The following TYW1 variants were observed in gnomAD, a reference collection of about 807,000 sequenced individuals.
The protein encoded by TYW1 is S-adenosyl-L-methionine-dependent tRNA 4-demethylwyosine synthase TYW1.
A neutral mutation model predicts 96.2 loss-of-function variants in TYW1; 46 were observed. The observed-to-expected ratio is 0.48, with a 90% CI of 0.38 to 0.61. TYW1 has a LOEUF of 0.61. TYW1 is among the 20% of genes least tolerant of loss of function. TYW1 has a pLI of 0.00. For missense variants in TYW1, 684 were observed against 909.6 expected (o/e 0.75, Z 3.19); for synonymous variants, 274 against 323.0 (o/e 0.85, Z 1.63).
chr7:67,132,659 T>C (rs554840115), intron 13 of TYW1, among the ~76,000 whole-genome samples: 1 of 138,414 alleles, frequency 7.2e-6, no homozygotes, highest in South Asian at 2.3e-4. Flanking sequence ...CAGAGCTGTT[T>C]AATCTCCCCA....
At chr7:67,131,599 T>G (rs1798076005) in intron 13 of TYW1, among the ~76,000 whole-genome samples, 1 of 152,176 alleles carries the variant, frequency 6.6e-6, no homozygotes, top group African/African-American at 2.4e-5. Flanking sequence ...ATGAGGGTTC[T>G]CTAGAGGGAC....
chr7:67,166,855 G>A (rs564923104), intron 13 of TYW1, among the ~76,000 whole-genome samples: 1 of 152,152 alleles, frequency 6.6e-6, no homozygotes, highest in South Asian at 2.1e-4. Context: ...TATACATGTG[G>A]GCTAACTGAT....
Position 67,000,182 on chromosome 7 carries a change from C to T in TYW1, c.273+1228C>T, listed in dbSNP as rs559618197. ...AACTCTTGGGCTCAAGCAATCTGCC[C>T]GCCTCGGCCTCCTAAAGTGTTGGGA... On this transcript the variant is annotated intron_variant, in intron 3 of 15. Coordinates refer to ENST00000359626, the MANE Select transcript of TYW1 (RefSeq NM_018264.4). Among the ~76,000 whole-genome samples the T allele has an allele frequency of 2.2e-4, 34 of 152,008 alleles. 1 individual carries two copies. Among genetic ancestry groups the T allele is most frequent in the African/African-American group, 7.7e-4 (32 of 41,442 alleles).
chr7:67,194,585 C>T (rs1454661671), intron 14 of TYW1, among the ~76,000 whole-genome samples: 1 of 152,054 alleles, frequency 6.6e-6, no homozygotes, highest in Admixed American at 6.5e-5. Flanking sequence ...GATTGCGCCA[C>T]TGCACTCCAG....
intron 11 of TYW1, among the ~76,000 whole-genome samples, chr7:67,085,701 C>T (rs1796528153): frequency 6.6e-6 from 1 of 152,086 alleles, no homozygotes; most frequent in African/African-American, 2.4e-5. Context: ...TAGCACGGTG[C>T]CTCACGCTTG....
chr7:67,081,805 TTTC>T (rs1447895645), intron 10 of TYW1, among the ~76,000 whole-genome samples: 3 of 150,006 alleles, frequency 2.0e-5, no homozygotes, highest in East Asian at 1.9e-4. Flanking sequence ...CCTTTTATTC[TTTC>T]TTCTTCTTCC....
At chr7:67,173,357 A>G (rs2690170) in intron 13 of TYW1, among the ~76,000 whole-genome samples, 42,265 of 151,698 alleles carry the variant, frequency 0.28, 6,370 homozygotes, top group African/African-American at 0.4. Flanking sequence ...GGCTGATTGA[A>G]TCCTTTTGGT....
At chr7:67,045,098 T>G (rs879690687) in intron 7 of TYW1, among the ~76,000 whole-genome samples, 4 of 152,216 alleles carry the variant, frequency 2.6e-5, no homozygotes, top group Non-Finnish European at 4.4e-5. Context: ...CTTAAAGTCT[T>G]CAGCAAATCA....
intron 13 of TYW1, among the ~76,000 whole-genome samples, chr7:67,148,333 CAG>C (rs907559080): frequency 6.7e-5 from 10 of 149,420 alleles, no homozygotes; most frequent in African/African-American, 1.7e-4. Flanking sequence ...ACTCGTTCAA[CAG>C]AGTGTCGTAA....
At chr7:67,110,822 T>C (rs554447597) in intron 12 of TYW1, among the ~76,000 whole-genome samples, 45 of 152,106 alleles carry the variant, frequency 3.0e-4, no homozygotes, top group Non-Finnish European at 5.3e-4. Flanking sequence ...CTGGGCAACA[T>C]AGTGAGACCC....
At chr7:67,036,410 G>C (rs1237303272) in intron 7 of TYW1, among the ~76,000 whole-genome samples, 2 of 152,146 alleles carry the variant, frequency 1.3e-5, no homozygotes, top group Admixed American at 6.6e-5. Context: ...AATTCAAAAG[G>C]ATCAGATCCC....
intron 13 of TYW1, among the ~76,000 whole-genome samples, chr7:67,127,760 C>T (rs956586429): frequency 9.9e-5 from 15 of 151,984 alleles, no homozygotes; most frequent in African/African-American, 3.6e-4. Flanking sequence ...CAACAAATTC[C>T]CCCAGATTCC....
intron 13 of TYW1, among the ~76,000 whole-genome samples, chr7:67,130,199 A>C (rs1332299407): frequency 6.6e-6 from 1 of 150,894 alleles, no homozygotes; most frequent in East Asian, 2.0e-4. Flanking sequence ...TGGCAAACAC[A>C]GTGAAACCCC....
chr7:67,004,313 TG>T lies in TYW1; in HGVS notation c.274-5265del, dbSNP rs535081069. Among the ~76,000 whole-genome samples, 296 of 152,226 alleles carry T rather than the reference TG, an allele frequency of 1.9e-3. 1 individual carries two copies. The highest frequency in any genetic ancestry group is 3.4e-3 in the Middle Eastern group (1 of 294). On this transcript the variant is annotated intron_variant, in intron 3 of 15. Coordinates refer to ENST00000359626, the MANE Select transcript of TYW1 (RefSeq NM_018264.4). Reference sequence around the variant, plus strand: ...GGCCTAATGGGAGGTGTTTGGGTCCTGGGGGCAGATCCCTCCTGAATAGATG... The same window carrying T: ...GGCCTAATGGGAGGTGTTTGGGTCCTGGGGCAGATCCCTCCTGAATAGATG...
In TYW1 at chr7:67,090,961, T is replaced by C. The variant is rs537100154; in HGVS notation, c.1384+7422T>C. On this transcript the variant is annotated intron_variant, in intron 11 of 15. Coordinates refer to ENST00000359626, the MANE Select transcript of TYW1 (RefSeq NM_018264.4). ...AGAAATAGGAACACTTTTACACTGTTGATGGGACTGTAAACTAGTTCAACC... is the reference window on the plus strand; with the variant it reads ...AGAAATAGGAACACTTTTACACTGTCGATGGGACTGTAAACTAGTTCAACC... 2.6e-5 allele frequency among the ~76,000 whole-genome samples: 4 copies of C among 152,314 alleles called. No individual in the cohort carries two copies. In the South Asian group the frequency reaches 8.3e-4, roughly 32 times the overall value.
intron 14 of TYW1, among the ~76,000 whole-genome samples, chr7:67,186,265 T>TCCCCCCC (rs56401730): frequency 2.5e-4 from 17 of 68,364 alleles, no homozygotes; most frequent in Non-Finnish European, 3.3e-4. Flanking sequence ...CTTCCTTTCT[T>TCCCCCCC]CCCCCCCGCC....
At chr7:67,102,087 G>A (rs1336128676) in intron 12 of TYW1, among the ~76,000 whole-genome samples, 2 of 152,146 alleles carry the variant, frequency 1.3e-5, no homozygotes. Context: ...AAAAAAGGGA[G>A]TCTGTCTTAA....
intron 4 of TYW1, among the ~76,000 whole-genome samples, chr7:67,012,865 A>G (rs1252458295): frequency 6.6e-6 from 1 of 151,846 alleles, no homozygotes; most frequent in Non-Finnish European, 1.5e-5. Flanking sequence ...TATATCCCCA[A>G]GGTACATCAT....
At chr7:67,085,600 A>G (rs1192483747) in intron 11 of TYW1, among the ~76,000 whole-genome samples, 3 of 152,142 alleles carry the variant, frequency 2.0e-5, no homozygotes, top group Non-Finnish European at 2.9e-5. Flanking sequence ...GCTCATACTT[A>G]TTTCTCATTT....
Sources: gnomAD v4.1 joint callset for allele counts (sites outside exome capture counted in the v4.1 genomes callset) on GRCh38, gnomAD v4.1.1 for gene constraint, MANE v1.5 for transcripts, NCBI Gene and HGNC (gene_info 2026-07-23, HGNC 2026-07-21) for gene names.